TCHP: variants seen among roughly 807,000 people sequenced by gnomAD.
TCHP encodes trichoplein keratin filament-binding protein.
A neutral mutation model predicts 88.7 loss-of-function variants in TCHP; 81 were observed. That is an observed-to-expected ratio of 0.91 (90% CI 0.76 to 1.10). The LOEUF (loss-of-function observed/expected upper bound fraction) is 1.10. TCHP is among the 50% of genes least tolerant of loss of function. The probability of loss-of-function intolerance (pLI) is 0.00; values close to 1 mark genes in which losing one functional copy is unlikely to be tolerated. For synonymous variants in TCHP, 232 were observed against 232.5 expected (o/e 1.00, Z 0.02); for missense variants, 641 against 632.1 (o/e 1.01, Z -0.15).
the TCHP span, among the ~76,000 whole-genome samples, chr12:109,890,139 TGA>T: frequency 6.6e-6 from 1 of 152,272 alleles, no homozygotes; most frequent in South Asian, 2.1e-4. Context: ...CCTCAGGGGC[TGA>T]GAGGGCCTGG....
chr12:109,908,830 T>C (rs1364091856), intron 7 of TCHP, 41 bp from the exon 8 acceptor site: 7 of 1,608,160 alleles, frequency 4.4e-6, no homozygotes, highest in Non-Finnish European at 6.0e-6. Context: ...TTTAATTCTT[T>C]CTGAGATACT....
chr12:109,881,976 G>A, the TCHP span, among the ~76,000 whole-genome samples: 1 of 141,546 alleles, frequency 7.1e-6, no homozygotes, highest in Non-Finnish European at 1.5e-5. Flanking sequence ...TAAAGTGAAT[G>A]ATACAGCAAA....
In TCHP at chr12:109,913,070, G is replaced by A. The variant is rs771222159; in HGVS notation, c.1132G>A (p.Glu378Lys). 6.2e-7 allele frequency: 1 copy of A among 1,613,658 alleles called. No individual in the cohort carries two copies. Among genetic ancestry groups the A allele is most frequent in the African/African-American group, 1.3e-5 (1 of 74,914 alleles). ...CAGCGCACGGGACAGACTGATGAGC[G>A]AGGTAATCCCAGCTGCGGCGATGTG... is the stretch of plus-strand genomic sequence containing the variant. ...ERSARDRLMS[E>K]VLTGRQQQIQ... The change falls in exon 10 of 13, where the codon GAG becomes AAG. Residue 378 changes from glutamate (E) to lysine (K), a missense_variant and splice_region_variant. Physicochemically the swap from Glu to Lys is moderately conservative, Grantham distance 56 (BLOSUM62 1). Transcript: ENST00000405876.
Position 109,915,546 on chromosome 12 carries a change from G to C in TCHP, c.1464G>C (p.Lys488Asn), listed in dbSNP as rs147036260. The C allele has an allele frequency of 1.9e-6, 3 of 1,610,688 alleles. No homozygotes were observed. The highest frequency in any genetic ancestry group is 2.7e-5 in the African/African-American group (2 of 74,898). The change falls in exon 12 of 13, where the codon AAG becomes AAC. Residue 488 changes from lysine (K) to asparagine (N), a missense_variant and splice_region_variant. Transcript: ENST00000405876. ...ETMAEQGYRP[K>N]PYGHPKIAWN ...TGGCTGAGCAGGGCTACCGGCCTAAGGTAGGAAGTCTGCCAGGATATAGGC... is the reference window on the plus strand; with the variant it reads ...TGGCTGAGCAGGGCTACCGGCCTAACGTAGGAAGTCTGCCAGGATATAGGC...
chr12:109,912,964 G>C, intron 9 of TCHP, 27 bp from the exon 10 acceptor site: 8 of 1,605,652 alleles, frequency 5.0e-6, no homozygotes, highest in Non-Finnish European at 6.0e-6. Flanking sequence ...GGAGGAGCCT[G>C]CTGTCATCCC....
the TCHP span, among the ~76,000 whole-genome samples, chr12:109,885,404 T>C: frequency 6.6e-6 from 1 of 152,188 alleles, no homozygotes; most frequent in East Asian, 1.9e-4. Flanking sequence ...ACAGAAGTGA[T>C]GCTCTATCCT....
rs758332157 is a variant in TCHP at position 109,914,576 on chromosome 12, AGAG to A, written c.1273_1275del (p.Glu425del). The A allele has an allele frequency of 6.2e-6, 10 of 1,613,566 alleles. No homozygotes were observed. In the South Asian group the frequency reaches 1.1e-4, roughly 18 times the overall value. ...TGAGAGAGTTGGCTCGTCGCGAGAA[AGAG>A]GAGAGTGAAAAGCTGAAATCGGCCA... is the stretch of plus-strand genomic sequence containing the variant. On this transcript the variant is annotated inframe_deletion, in exon 11 of 13. Coordinates refer to ENST00000405876, the MANE Select transcript of TCHP (RefSeq NM_001143852.2).
upstream of TCHP, among the ~76,000 whole-genome samples, chr12:109,899,917 G>C (rs113035767): frequency 3.1e-3 from 472 of 152,206 alleles, 2 homozygotes; most frequent in Middle Eastern, 0.017. Flanking sequence ...TCCCGCCTCA[G>C]TCTCCCGAGT....
intron 4 of TCHP, among the ~76,000 whole-genome samples, chr12:109,906,032 T>C (rs1040999849): frequency 2.0e-5 from 3 of 152,212 alleles, no homozygotes; most frequent in Admixed American, 1.3e-4. Context: ...AACAAAAGAT[T>C]TGGATTGAAT....
chr12:109,915,581 C>G, intron 12 of TCHP, 35 bp downstream of exon 12: 1 of 1,583,242 alleles, frequency 6.3e-7, no homozygotes, highest in Non-Finnish European at 8.6e-7. Flanking sequence ...CCAACACCGG[C>G]AAGACAGACT....
At chr12:109,906,449 A>G (rs1870127560) in intron 4 of TCHP, 123 bp from the exon 5 acceptor site, 2 of 767,582 alleles carry the variant, frequency 2.6e-6, no homozygotes, top group East Asian at 2.6e-5. Context: ...TGTGCCACTG[A>G]GTCCCCATGA....
intron 10 of TCHP, 37 bp downstream of exon 10, chr12:109,913,109 G>T (rs899047816): frequency 1.5e-5 from 24 of 1,603,264 alleles, no homozygotes; most frequent in Non-Finnish European, 2.0e-5. Context: ...CGGCTGTTGG[G>T]TCTTGGGCAG....
At chr12:109,887,586 G>T in the TCHP span, among the ~76,000 whole-genome samples, 1 of 151,966 alleles carries the variant, frequency 6.6e-6, no homozygotes, top group Non-Finnish European at 1.5e-5. Flanking sequence ...ATCCCCCATA[G>T]GTTACAACTT....
chr12:109,890,959 G>C, the TCHP span, among the ~76,000 whole-genome samples: 4 of 152,314 alleles, frequency 2.6e-5, no homozygotes, highest in South Asian at 8.3e-4. Flanking sequence ...GTATGAATCT[G>C]AGCATTCAAA....
chr12:109,918,000 G>T lies in TCHP; in HGVS notation c.*1377G>T, dbSNP rs577652255. 6.6e-6 allele frequency: 1 copy of T among 152,144 alleles called. No homozygotes were observed. The highest frequency in any genetic ancestry group is 6.5e-5 in the Admixed American group (1 of 15,278). The allele number at this position is 152,144 out of a possible 1,614,324, so 9.4% of individuals were successfully genotyped here. ...ATCCCCTGAGCAGCACGTTCATCAC[G>T]CATGCTCTCTGTTGCGTTCCCCATT... On this transcript the variant is annotated 3_prime_UTR_variant, in exon 13 of 13. Transcript: ENST00000405876.
chr12:109,883,889 G>C, the TCHP span, among the ~76,000 whole-genome samples: 1 of 152,322 alleles, frequency 6.6e-6, no homozygotes, highest in Admixed American at 6.5e-5. Flanking sequence ...AATATGATTA[G>C]TGCCTGGCCT....
intron 9 of TCHP, among the ~76,000 whole-genome samples, chr12:109,912,092 C>A (rs966171129): frequency 3.3e-5 from 5 of 152,150 alleles, no homozygotes; most frequent in African/African-American, 1.2e-4. Context: ...CTATGCCCAG[C>A]CAGAAGGAAG....
At chr12:109,901,875 C>T (rs1009236626) in intron 1 of TCHP, among the ~76,000 whole-genome samples, 8 of 152,222 alleles carry the variant, frequency 5.3e-5, no homozygotes, top group Non-Finnish European at 4.4e-5. Flanking sequence ...AAATAAAGGA[C>T]TCTTAATTTC....
intron 9 of TCHP, among the ~76,000 whole-genome samples, chr12:109,911,819 TAG>T (rs1367222094): frequency 6.6e-6 from 1 of 151,586 alleles, no homozygotes; most frequent in African/African-American, 2.4e-5. Context: ...TTTTTTGAGA[TAG>T]AGTCTTGCTC....
Sources: allele counts gnomAD v4.1 joint callset (sites outside exome capture counted in the v4.1 genomes callset), GRCh38; gene constraint gnomAD v4.1.1; transcripts MANE v1.5; gene names NCBI Gene and HGNC (gene_info 2026-07-23, HGNC 2026-07-21).